Variants in PTPRM observed in about 807,000 individuals in gnomAD.
The protein encoded by PTPRM is protein tyrosine phosphatase receptor type M, also known as receptor-type tyrosine-protein phosphatase mu.
In PTPRM, 47 loss-of-function variants were observed where a neutral mutation model predicts 186.7. That is an observed-to-expected ratio of 0.25 (90% CI 0.20 to 0.32). The LOEUF (loss-of-function observed/expected upper bound fraction) is 0.32, where lower values mean the gene tolerates loss of function less well. Among genes scored for constraint, PTPRM ranks in the 10% least tolerant of loss-of-function variants. The pLI, the probability that PTPRM is intolerant of heterozygous loss-of-function variation, is 1.00. For missense variants in PTPRM, 1,494 were observed against 1,865.0 expected (o/e 0.80, Z 3.66); for synonymous variants, 668 against 674.9 (o/e 0.99, Z 0.16).
At chr18:7,820,033 C>T (rs1478900725) in intron 2 of PTPRM, among the ~76,000 whole-genome samples, 1 of 152,134 alleles carries the variant, frequency 6.6e-6, no homozygotes, top group Non-Finnish European at 1.5e-5. Context: ...TTGTGAAGTG[C>T]GTTGCTAATA....
At chr18:7,717,329 C>A (rs1417968484) in intron 1 of PTPRM, among the ~76,000 whole-genome samples, 4 of 152,136 alleles carry the variant, frequency 2.6e-5, no homozygotes, top group Non-Finnish European at 5.9e-5. Context: ...AGCAGCTTGA[C>A]TTCAGAGGGA....
At chr18:8,146,087 G>A (rs1402072867) in intron 14 of PTPRM, among the ~76,000 whole-genome samples, 1 of 146,218 alleles carries the variant, frequency 6.8e-6, no homozygotes, top group Non-Finnish European at 1.5e-5. Context: ...GGCATGCAAT[G>A]GCATGATCCC....
intron 1 of PTPRM, among the ~76,000 whole-genome samples, chr18:7,603,443 G>A (rs1017867519): frequency 1.3e-5 from 2 of 152,188 alleles, no homozygotes; most frequent in Non-Finnish European, 2.9e-5. Flanking sequence ...CCTGTTAACA[G>A]CTACCTGGGC....
chr18:7,776,294 C>A (rs2145001298), intron 2 of PTPRM, among the ~76,000 whole-genome samples: 1 of 152,206 alleles, frequency 6.6e-6, no homozygotes, highest in Admixed American at 6.5e-5. Context: ...GTTTTGGACC[C>A]TCACCCCCAA....
At chr18:8,053,637 C>T (rs1256924930) in intron 7 of PTPRM, among the ~76,000 whole-genome samples, 1 of 152,096 alleles carries the variant, frequency 6.6e-6, no homozygotes, top group African/African-American at 2.4e-5. Flanking sequence ...GTTTGGGGAC[C>T]TTTGCACGTC....
intron 10 of PTPRM, among the ~76,000 whole-genome samples, chr18:8,088,293 G>GTC (rs10667618): frequency 0.63 from 95,022 of 151,860 alleles, 29,884 homozygotes; most frequent in African/African-American, 0.67. Flanking sequence ...TCCCCAATGA[G>GTC]TCTGGTACAT....
rs547717164 is a variant in PTPRM, at chr18:8,201,949, G to A, written c.2301-42109G>A. Among the ~76,000 whole-genome samples, 10 of 152,312 alleles carry A rather than the reference G, an allele frequency of 6.6e-5. No individual in the cohort carries two copies. In the East Asian group the frequency reaches 7.7e-4, roughly 12 times the overall value. On this transcript the variant is annotated intron_variant, in intron 14 of 32. Coordinates refer to ENST00000580170, the MANE Select transcript of PTPRM (RefSeq NM_001105244.2). ...TTGATGTGTTTTGCTGTTTAAAGGCGTGGTGAACCCTTGACAGAAACATTA... is the reference window on the plus strand; with the variant it reads ...TTGATGTGTTTTGCTGTTTAAAGGCATGGTGAACCCTTGACAGAAACATTA...
chr18:8,354,772 A>G lies in PTPRM; in HGVS notation c.3054+11252A>G, dbSNP rs143640889. On this transcript the variant is annotated intron_variant, in intron 23 of 32. Transcript: ENST00000580170. ...TGTCTTTGGTACGTACCAAGTTCCC[A>G]TGGGATGATAGAACCAGGAATCCAG... is the stretch of plus-strand genomic sequence containing the variant. 3.1e-3 allele frequency among the ~76,000 whole-genome samples: 466 copies of G among 152,202 alleles called. 2 individuals are homozygous for G. Among genetic ancestry groups the G allele is most frequent in the African/African-American group, 0.011 (436 of 41,514 alleles).
intron 32 of PTPRM, among the ~76,000 whole-genome samples, chr18:8,401,819 A>G (rs1288661474): frequency 6.6e-6 from 1 of 152,162 alleles, no homozygotes; most frequent in African/African-American, 2.4e-5. Flanking sequence ...TCCCTTGCAC[A>G]TTTTGCTTTC....
chr18:7,900,522 C>T (rs2049608780), intron 3 of PTPRM, among the ~76,000 whole-genome samples: 1 of 151,892 alleles, frequency 6.6e-6, no homozygotes, highest in African/African-American at 2.4e-5. Context: ...AATTTTAGAA[C>T]CTGTGTATCT....
chr18:8,251,872 A>G (rs908675518), intron 17 of PTPRM: 3 of 152,228 alleles, frequency 2.0e-5, no homozygotes, highest in Non-Finnish European at 4.4e-5. Context: ...AAACTTGAAT[A>G]TATCTTTTAT....
At chr18:7,941,050 T>A (rs1050462301) in intron 5 of PTPRM, among the ~76,000 whole-genome samples, 1 of 152,210 alleles carries the variant, frequency 6.6e-6, no homozygotes, top group African/African-American at 2.4e-5. Context: ...ACTAGTATCC[T>A]GTGGCCCAGA....
At chr18:8,190,175 G>A (rs149428771) in intron 14 of PTPRM, among the ~76,000 whole-genome samples, 17 of 152,264 alleles carry the variant, frequency 1.1e-4, no homozygotes, top group African/African-American at 3.9e-4. Flanking sequence ...ACAATGTAGT[G>A]TTATTAACTA....
rs78415169 is a variant in PTPRM, at chr18:8,191,914, G to A, written c.2300+48135G>A. Among the ~76,000 whole-genome samples, 606 of 151,850 alleles carry A rather than the reference G, an allele frequency of 4.0e-3. 34 individuals carry two copies. In the East Asian group the frequency reaches 0.11, roughly 27 times the overall value. The stretch of plus-strand genomic sequence containing the variant: ...ATTGACAGTATTACCAACCTACAGG[G>A]AAAAAAAGATTTCAAGTAACTTCTG... On this transcript the variant is annotated intron_variant, in intron 14 of 32. Coordinates refer to ENST00000580170, the MANE Select transcript of PTPRM (RefSeq NM_001105244.2).
intron 5 of PTPRM, among the ~76,000 whole-genome samples, chr18:7,936,705 C>T (rs535537775): frequency 6.6e-6 from 1 of 152,276 alleles, no homozygotes; most frequent in Non-Finnish European, 1.5e-5. Context: ...AGGCCTGAAG[C>T]CTGGGAGCTG....
intron 11 of PTPRM, among the ~76,000 whole-genome samples, chr18:8,110,268 A>C (rs887615924): frequency 6.6e-6 from 1 of 152,220 alleles, no homozygotes; most frequent in African/African-American, 2.4e-5. Context: ...ATGTGCTCAC[A>C]GAAAACATGT....
At chr18:8,154,402 G>C (rs771808799) in intron 14 of PTPRM, among the ~76,000 whole-genome samples, 1 of 152,134 alleles carries the variant, frequency 6.6e-6, no homozygotes, top group African/African-American at 2.4e-5. Flanking sequence ...AGACAGACTG[G>C]GCCCAAGAGA....
intron 19 of PTPRM, among the ~76,000 whole-genome samples, chr18:8,295,823 T>C (rs1370946857): frequency 1.3e-5 from 2 of 152,100 alleles, no homozygotes; most frequent in Non-Finnish European, 2.9e-5. Context: ...GCCAAATCCC[T>C]AAATAAATGG....
intron 13 of PTPRM, among the ~76,000 whole-genome samples, chr18:8,129,523 A>G (rs1202311027): frequency 6.6e-6 from 1 of 152,220 alleles, no homozygotes; most frequent in Non-Finnish European, 1.5e-5. Context: ...TTTCAGTCTA[A>G]AGATCCCAGT....
Sources: gnomAD v4.1 joint callset for allele counts (sites outside exome capture counted in the v4.1 genomes callset) on GRCh38, gnomAD v4.1.1 for gene constraint, MANE v1.5 for transcripts, NCBI Gene and HGNC (gene_info 2026-07-23, HGNC 2026-07-21) for gene names.